The following ANKFY1 variants were observed in gnomAD, a reference collection of about 807,000 sequenced individuals.
ANKFY1 encodes ankyrin repeat and FYVE domain containing 1, also known as ankyrin repeat and FYVE domain-containing protein 1.
Under a neutral mutation model 128.3 loss-of-function variants are expected in ANKFY1, and 47 were observed. The observed-to-expected ratio is 0.37, with a 90% CI of 0.29 to 0.47. ANKFY1 has a LOEUF of 0.47. ANKFY1 is among the 20% of genes least tolerant of loss of function. ANKFY1 has a pLI of 1.00. For missense variants in ANKFY1, 1,222 were observed against 1,510.6 expected, an observed-to-expected ratio of 0.81 and a Z score of 3.17; for synonymous variants, 553 against 601.6, an observed-to-expected ratio of 0.92 and a Z score of 1.18.
intron 1 of ANKFY1, among the ~76,000 whole-genome samples, chr17:4,258,195 G>A (rs565523165): frequency 6.6e-6 from 1 of 152,300 alleles, no homozygotes; most frequent in African/African-American, 2.4e-5. Context: ...AATGACCTGG[G>A]ACATTTGTTC....
rs199761953 is a variant in ANKFY1, at chr17:4,184,954, C to T, written c.1563G>A (p.Thr521=). The T allele has an allele frequency of 1.2e-5, 20 of 1,614,050 alleles. No homozygotes were observed. Among genetic ancestry groups the T allele is most frequent in the East Asian group, 1.1e-4 (5 of 44,884 alleles). Residue 521 remains threonine, a synonymous_variant, in exon 12 of 25, where the codon ACG becomes ACA. Coordinates refer to ENST00000341657, the MANE Select transcript of ANKFY1 (RefSeq NM_001330063.2). The stretch of plus-strand genomic sequence containing the variant: ...CCTTTGGCAGAGGCAGAGCTTCCTC[C>T]GTCTGCAGGTTTGGGTTGGCGCCTT... The part of the protein sequence containing the change: ...LQQGANPNLQ[T]EEALPLPKEA...
At chr17:4,242,029 CAATGAGCCGTGATCTCACCACTGCA>C (rs1967259504) in intron 2 of ANKFY1, among the ~76,000 whole-genome samples, 1 of 148,060 alleles carries the variant, frequency 6.8e-6, no homozygotes, top group South Asian at 2.1e-4. Context: ...GCAGAGGCTG[CAATGAGCCGTGATCTCACCACTGCA>C]CTCCAGCCTG....
At chr17:4,250,798 C>T (rs1374137754) in intron 1 of ANKFY1, among the ~76,000 whole-genome samples, 1 of 152,178 alleles carries the variant, frequency 6.6e-6, no homozygotes, top group South Asian at 2.1e-4. Context: ...AGCACCACCA[C>T]ATCTGGCCAA....
At chr17:4,262,776 A>T (rs1255759018) in intron 1 of ANKFY1, among the ~76,000 whole-genome samples, 1 of 151,996 alleles carries the variant, frequency 6.6e-6, no homozygotes, top group African/African-American at 2.4e-5. Context: ...CCCAAAACCA[A>T]CTGGGTGTCA....
intron 16 of ANKFY1, chr17:4,180,150 G>A (rs1161080864): frequency 4.4e-5 from 18 of 412,806 alleles, no homozygotes; most frequent in East Asian, 2.8e-4. Context: ...AGAACCAGCC[G>A]GATGCGGTGG....
At chr17:4,253,763 T>C (rs116297665) in intron 1 of ANKFY1, among the ~76,000 whole-genome samples, 2 of 152,148 alleles carry the variant, frequency 1.3e-5, no homozygotes, top group African/African-American at 4.8e-5. Flanking sequence ...TCTTGAACCA[T>C]GTGGCATGCG....
intron 1 of ANKFY1, among the ~76,000 whole-genome samples, chr17:4,248,696 G>A (rs550132736): frequency 6.6e-6 from 1 of 152,226 alleles, no homozygotes; most frequent in African/African-American, 2.4e-5. Context: ...GCATGGTGGC[G>A]CATGCCTGTA....
chr17:4,172,476 C>T (rs2059339114), intron 22 of ANKFY1, 80 bp downstream of exon 22: 6 of 1,552,098 alleles, frequency 3.9e-6, no homozygotes, highest in South Asian at 2.4e-5. Context: ...CCTCAGATAA[C>T]GACGTGTGCC....
At chr17:4,200,205 G>A (rs963497894) in intron 7 of ANKFY1, among the ~76,000 whole-genome samples, 1 of 152,030 alleles carries the variant, frequency 6.6e-6, no homozygotes, top group Admixed American at 6.6e-5. Context: ...GGGACTACAG[G>A]TGCACGCCAA....
chr17:4,184,871 A>G lies in ANKFY1; in HGVS notation c.1646T>C (p.Met549Thr). 1 of 1,614,036 alleles carries G rather than the reference A, an allele frequency of 6.2e-7. No individual in the cohort carries two copies. The highest frequency in any genetic ancestry group is 8.5e-7 in the Non-Finnish European group (1 of 1,180,046). ...ATCCGGATGGTTATAGGCGATCGCC[A>G]TGTGCAGTGGCGTCTGCAGATGGAC... ...DSVHLQTPLH[M>T]AIAYNHPDVV... The change falls in exon 12 of 25, where the codon ATG becomes ACG. Residue 549 changes from methionine (M) to threonine (T), a missense_variant. Physicochemically the swap from Met to Thr is moderately conservative, Grantham distance 81 (BLOSUM62 -1). Coordinates refer to ENST00000341657, the MANE Select transcript of ANKFY1 (RefSeq NM_001330063.2).
chr17:4,185,504 A>AT (rs569935495), intron 11 of ANKFY1, among the ~76,000 whole-genome samples: 2,121 of 145,464 alleles, frequency 0.015, 36 homozygotes, highest in African/African-American at 0.044. Flanking sequence ...CGCCCGGCCC[A>AT]TTTTTTTTTT....
chr17:4,235,978 T>G, intron 2 of ANKFY1, 88 bp from the exon 3 acceptor site: 1 of 891,268 alleles, frequency 1.1e-6, no homozygotes, highest in Non-Finnish European at 1.8e-6. Context: ...CACATGAGTA[T>G]TCATCAACAT....
intron 4 of ANKFY1, among the ~76,000 whole-genome samples, chr17:4,212,624 C>T (rs1487920070): frequency 6.6e-6 from 1 of 152,188 alleles, no homozygotes; most frequent in Non-Finnish European, 1.5e-5. Flanking sequence ...GATTTCAGTA[C>T]TGTTAACCAT....
intron 1 of ANKFY1, chr17:4,263,516 C>T: frequency 1.8e-6 from 2 of 1,089,926 alleles, no homozygotes; most frequent in Non-Finnish European, 2.5e-6. Flanking sequence ...CCACGCTCTT[C>T]CGCAAGCGAG....
At chr17:4,222,827 T>C in intron 3 of ANKFY1, 1 of 965,046 alleles carries the variant, frequency 1.0e-6, no homozygotes, top group Middle Eastern at 2.1e-4. Context: ...CCAGCAGGAG[T>C]TCCCAAGGGT....
chr17:4,189,544 C>A, intron 10 of ANKFY1, 65 bp from the exon 11 acceptor site: 1 of 1,325,432 alleles, frequency 7.5e-7, no homozygotes, highest in Non-Finnish European at 1.0e-6. Flanking sequence ...CTGCACAACA[C>A]CCTGCTCTTC....
At chr17:4,217,557 T>C (rs1268082763) in intron 3 of ANKFY1, among the ~76,000 whole-genome samples, 1 of 151,946 alleles carries the variant, frequency 6.6e-6, no homozygotes. Context: ...AAAAAAAAGG[T>C]GACTCAGCAG....
intron 8 of ANKFY1, among the ~76,000 whole-genome samples, chr17:4,195,689 G>T (rs2059805380): frequency 6.6e-6 from 1 of 152,094 alleles, no homozygotes. Flanking sequence ...ATCAGCTCAA[G>T]GAAGTGATCT....
intron 1 of ANKFY1, among the ~76,000 whole-genome samples, chr17:4,253,483 T>G (rs943097314): frequency 4.6e-5 from 7 of 152,230 alleles, no homozygotes; most frequent in African/African-American, 1.7e-4. Flanking sequence ...TCCTCTGGGA[T>G]GTACCGTGAC....
Sources: gnomAD v4.1 joint callset for allele counts (sites outside exome capture counted in the v4.1 genomes callset) on GRCh38, gnomAD v4.1.1 for gene constraint, MANE v1.5 for transcripts, NCBI Gene and HGNC (gene_info 2026-07-23, HGNC 2026-07-21) for gene names.